The following SFMBT2 variants were observed in gnomAD, a reference collection of about 807,000 sequenced individuals.
SFMBT2 encodes the protein scm-like with four MBT domains protein 2.
SFMBT2 carries 38 observed loss-of-function variants against 110.1 expected under a neutral mutation model. The observed-to-expected ratio is 0.35, with a 90% CI of 0.27 to 0.45. SFMBT2 has a LOEUF of 0.45. SFMBT2 is among the 20% of genes least tolerant of loss of function. SFMBT2 has a pLI of 1.00. For missense variants in SFMBT2, 1,011 were observed against 1,094.9 expected (o/e 0.92, Z 1.08); for synonymous variants, 425 against 425.4 (o/e 1.00, Z 0.01).
chr10:7,284,387 G>A, intron 5 of SFMBT2: 1 of 1,256,214 alleles, frequency 8.0e-7, no homozygotes, highest in South Asian at 2.6e-5. Context: ...CAAGTCAATA[G>A]AAAATAACAG....
intron 4 of SFMBT2, among the ~76,000 whole-genome samples, chr10:7,356,814 T>C (rs1489786428): frequency 6.6e-6 from 1 of 152,156 alleles, no homozygotes; most frequent in Non-Finnish European, 1.5e-5. Flanking sequence ...TGGGTACCTG[T>C]AGAGTGATAT....
chr10:7,224,906 T>C (rs1353760775), intron 10 of SFMBT2, among the ~76,000 whole-genome samples: 1 of 152,234 alleles, frequency 6.6e-6, no homozygotes, highest in East Asian at 1.9e-4. Flanking sequence ...CATTTACATG[T>C]CTTTTTCTAA....
chr10:7,360,788 C>T (rs1844691478), intron 4 of SFMBT2, among the ~76,000 whole-genome samples: 1 of 152,348 alleles, frequency 6.6e-6, no homozygotes, highest in East Asian at 1.9e-4. Flanking sequence ...TGTACACAGA[C>T]TCTCTACTTG....
intron 2 of SFMBT2, among the ~76,000 whole-genome samples, chr10:7,373,541 T>G (rs558837824): frequency 1.3e-5 from 2 of 152,284 alleles, no homozygotes; most frequent in East Asian, 3.9e-4. Context: ...TGAGCCACTG[T>G]TGTCCAGCAT....
intron 7 of SFMBT2, among the ~76,000 whole-genome samples, chr10:7,259,131 C>T (rs962632056): frequency 2.0e-5 from 3 of 152,164 alleles, no homozygotes; most frequent in Non-Finnish European, 2.9e-5. Flanking sequence ...AAACATGACG[C>T]CAGCATGCTT....
intron 11 of SFMBT2, among the ~76,000 whole-genome samples, chr10:7,213,730 C>G (rs367693549): frequency 1.3e-5 from 2 of 149,792 alleles, no homozygotes; most frequent in East Asian, 1.9e-4. Context: ...GCCATGGGCG[C>G]GGGCACTCAG....
chr10:7,363,120 G>A (rs1844775669), intron 4 of SFMBT2, among the ~76,000 whole-genome samples: 1 of 152,110 alleles, frequency 6.6e-6, no homozygotes, highest in African/African-American at 2.4e-5. Flanking sequence ...CCCACATGTT[G>A]TGGGAGGGAC....
intron 4 of SFMBT2, among the ~76,000 whole-genome samples, chr10:7,319,888 C>CAGAGAGACAGAGAGAGACAAAGAG (rs1843126502): frequency 9.0e-6 from 1 of 110,868 alleles, no homozygotes; most frequent in African/African-American, 4.0e-5. Context: ...GGGAGAGAGA[C>CAGAGAGACAGAGAGAGACAAAGAG]AGAGAGACAG....
In SFMBT2 at chr10:7,241,356, G is replaced by A. The variant is rs535793884; in HGVS notation, c.1120+2202C>T. The A allele has an allele frequency of 6.1e-6, 6 of 980,718 alleles. No individual in the cohort carries two copies. The South Asian group carries it at 2.8e-4, about 46-fold the overall frequency. 60.8% of individuals were successfully genotyped at this position (980,718 alleles called of 1,614,324 possible). ...CTTTAATGGTTTAAAAAGAGTTATA[G>A]TTTCTTATTGGAAGGTACTAGCCAC... On this transcript the variant is annotated intron_variant, in intron 9 of 20. Transcript: ENST00000397167.
At chr10:7,352,259 AG>A (rs1175928510) in intron 4 of SFMBT2, among the ~76,000 whole-genome samples, 1 of 152,234 alleles carries the variant, frequency 6.6e-6, no homozygotes, top group Non-Finnish European at 1.5e-5. Flanking sequence ...TCCAGGTGCC[AG>A]GGTCAGGTCA....
chr10:7,268,606 G>A (rs1841470136), intron 7 of SFMBT2, among the ~76,000 whole-genome samples: 1 of 152,092 alleles, frequency 6.6e-6, no homozygotes, highest in African/African-American at 2.4e-5. Context: ...CACCTCTTGG[G>A]TTCAAGTGAT....
intron 7 of SFMBT2, among the ~76,000 whole-genome samples, chr10:7,262,118 G>C (rs2131776827): frequency 6.6e-6 from 1 of 152,320 alleles, no homozygotes; most frequent in Admixed American, 6.5e-5. Flanking sequence ...TTAAAAGAGA[G>C]AAGCTCAAAC....
rs1588418312 is a variant in SFMBT2 at position 7,285,986 on chromosome 10, C to CA, written c.437-33dup. On this transcript the variant is annotated intron_variant, in intron 4 of 20. Coordinates refer to ENST00000397167, the MANE Select transcript of SFMBT2 (RefSeq NM_001387889.1). Reference sequence around the variant, plus strand: ...AGACAAAGGAGAAAGAAAAACAAAACAAAACAAAAAAAACACTTCAACACA... The same window carrying CA: ...AGACAAAGGAGAAAGAAAAACAAAACAAAAACAAAAAAAACACTTCAACACA... The CA allele has an allele frequency of 8.3e-6, 7 of 848,028 alleles. No homozygotes were observed. In the African/African-American group the frequency reaches 8.4e-5, roughly 10 times the overall value. 52.5% of individuals were successfully genotyped at this position (848,028 alleles called of 1,614,324 possible).
chr10:7,241,292 T>C (rs1840423430), intron 9 of SFMBT2: 2 of 968,488 alleles, frequency 2.1e-6, no homozygotes, highest in Non-Finnish European at 1.2e-6. Flanking sequence ...GAGAACAGAC[T>C]AGTACACTGA....
chr10:7,228,736 C>CTT (rs1436104403), intron 9 of SFMBT2, among the ~76,000 whole-genome samples: 1 of 31,574 alleles, frequency 3.2e-5, no homozygotes, highest in African/African-American at 1.3e-4. Context: ...TCTTTCTTTC[C>CTT]TTTCTCTCTC....
intron 20 of SFMBT2, among the ~76,000 whole-genome samples, chr10:7,167,481 G>A (rs1026823266): frequency 1.3e-5 from 2 of 152,154 alleles, no homozygotes; most frequent in African/African-American, 4.8e-5. Flanking sequence ...TTCAGGGCCT[G>A]CGTGCACATA....
At position 7,408,649 on chromosome 10, in the gene SFMBT2, G is replaced by A. The variant is rs1163887311; in HGVS notation, c.-52+2212C>T. 6.6e-6 allele frequency: 1 copy of A among 151,384 alleles called. No homozygotes were observed. The highest frequency in any genetic ancestry group is 1.5e-5 in the Non-Finnish European group (1 of 67,782). The allele number at this position is 151,384 out of a possible 1,614,324, so 9.4% of individuals were successfully genotyped here. A position where few individuals can be genotyped will look rare whatever the true frequency, so the allele number is the denominator to read the frequency against. On this transcript the variant is annotated intron_variant, in intron 1 of 20. Transcript: ENST00000397167. The surrounding 1 kb of genome is among the most constrained non-coding windows in gnomAD (Gnocchi z 5.7). The stretch of plus-strand genomic sequence containing the variant: ...GGAACCGCCGCGCGACCTCTGTTCA[G>A]CGGCCGCGTCCTGGCCACGGGCGAC...
At chr10:7,275,069 G>A (rs1464274870) in intron 7 of SFMBT2, among the ~76,000 whole-genome samples, 1 of 152,124 alleles carries the variant, frequency 6.6e-6, no homozygotes, top group Non-Finnish European at 1.5e-5. Flanking sequence ...AGGCTGGAAC[G>A]CCACAAAGAG....
At chr10:7,399,927 G>A (rs989635667) in intron 1 of SFMBT2, among the ~76,000 whole-genome samples, 4 of 152,230 alleles carry the variant, frequency 2.6e-5, no homozygotes, top group Non-Finnish European at 5.9e-5. Context: ...GAGACTGAAA[G>A]AAGGGAATAG....
Sources: gnomAD v4.1 joint callset for allele counts (sites outside exome capture counted in the v4.1 genomes callset) on GRCh38, gnomAD v4.1.1 for gene constraint, Gnocchi (gnomAD v3.1) non-coding constraint, MANE v1.5 for transcripts, NCBI Gene and HGNC (gene_info 2026-07-23, HGNC 2026-07-21) for gene names.